EFR3A: variants seen among roughly 807,000 people sequenced by gnomAD.
EFR3A encodes EFR3 homolog A, also known as protein EFR3 homolog A.
EFR3A carries 76 observed loss-of-function variants against 104.4 expected under a neutral mutation model. The observed-to-expected ratio is 0.73, with a 90% CI of 0.60 to 0.88. EFR3A has a LOEUF of 0.88. Among genes scored for constraint, EFR3A ranks in the 40% least tolerant of loss-of-function variants. The pLI is 0.00. For missense variants in EFR3A, 985 were observed against 1,012.5 expected (o/e 0.97, Z 0.37); for synonymous variants, 330 against 330.0 (o/e 1.00, Z 0.00).
chr8:131,929,910 T>C (rs770814701), intron 1 of EFR3A, among the ~76,000 whole-genome samples: 1 of 152,132 alleles, frequency 6.6e-6, no homozygotes, highest in Non-Finnish European at 1.5e-5. Flanking sequence ...TTGATCTTTG[T>C]CCATTATCAG....
chr8:131,973,109 G>A (rs1318614329), intron 10 of EFR3A, among the ~76,000 whole-genome samples: 1 of 149,738 alleles, frequency 6.7e-6, no homozygotes, highest in Non-Finnish European at 1.5e-5. Flanking sequence ...ATACCCAGGA[G>A]TGTCTCATTC....
chr8:131,904,171 G>C lies in EFR3A; in HGVS notation c.-142G>C, dbSNP rs534275879. ...TTGGTTGCGTGACCGCGGGGTCCGCGTCCGCTCCCTCCACCCTTCGCCCTT... is the reference window on the plus strand; with the variant it reads ...TTGGTTGCGTGACCGCGGGGTCCGCCTCCGCTCCCTCCACCCTTCGCCCTT... On this transcript the variant is annotated 5_prime_UTR_variant, in exon 1 of 23. Coordinates refer to ENST00000254624, the MANE Select transcript of EFR3A (RefSeq NM_015137.6). 2.0e-6 allele frequency: 2 copies of C among 997,054 alleles called. No homozygotes were observed. Among genetic ancestry groups the C allele is most frequent in the African/African-American group, 3.4e-5 (2 of 59,560 alleles). 61.8% of individuals were successfully genotyped at this position (997,054 alleles called of 1,614,324 possible).
chr8:131,933,489 G>T (rs919786262), intron 1 of EFR3A, among the ~76,000 whole-genome samples: 1 of 151,972 alleles, frequency 6.6e-6, no homozygotes, highest in Non-Finnish European at 1.5e-5. Context: ...TTTAATATTT[G>T]TGTTAATTTT....
At chr8:131,968,178 A>G in intron 8 of EFR3A, 117 bp from the exon 9 acceptor site, 1 of 913,226 alleles carries the variant, frequency 1.1e-6, no homozygotes, top group Non-Finnish European at 1.6e-6. Context: ...TTGTCTCATA[A>G]CATGACCACC....
chr8:131,961,954 A>G (rs1819369286), intron 8 of EFR3A, among the ~76,000 whole-genome samples: 1 of 152,194 alleles, frequency 6.6e-6, no homozygotes, highest in African/African-American at 2.4e-5. Flanking sequence ...ATATCCAGCC[A>G]AACTAAGCTT....
chr8:131,987,710 G>T lies in EFR3A; in HGVS notation c.2065+8G>T. 1 of 1,577,908 alleles carries T rather than the reference G, an allele frequency of 6.3e-7. No homozygotes were observed. The highest frequency in any genetic ancestry group is 1.2e-5 in the South Asian group (1 of 84,870). On this transcript the variant is annotated splice_region_variant and intron_variant, in intron 18 of 22. Coordinates refer to ENST00000254624, the MANE Select transcript of EFR3A (RefSeq NM_015137.6). ...ATGTACCACAAGTAACAGGTAAGAGGAGGATAATTAGAACTTTCACTCTGG... is the reference window on the plus strand; with the variant it reads ...ATGTACCACAAGTAACAGGTAAGAGTAGGATAATTAGAACTTTCACTCTGG...
chr8:131,968,315 G>T lies in EFR3A; in HGVS notation c.876G>T (p.Val292=). 6.2e-7 allele frequency: 1 copy of T among 1,613,192 alleles called. No individual in the cohort carries two copies. Among genetic ancestry groups the T allele is most frequent in the East Asian group, 2.2e-5 (1 of 44,840 alleles). ...YSIQAQYSHH[V]IQEILGHLDA... ...TTCAGGCTCAGTATTCTCACCATGT[G>T]ATCCAGGAGATTCTAGGACACCTTG... is the stretch of plus-strand genomic sequence containing the variant. The change falls in exon 9 of 23, where the codon GTG becomes GTT. Residue 292 remains valine (V), a synonymous_variant. Coordinates refer to ENST00000254624, the MANE Select transcript of EFR3A (RefSeq NM_015137.6).
chr8:131,964,820 A>G (rs2130673421), intron 8 of EFR3A, among the ~76,000 whole-genome samples: 1 of 152,350 alleles, frequency 6.6e-6, no homozygotes, highest in South Asian at 2.1e-4. Flanking sequence ...AAATTGTACT[A>G]CAAGGCTACG....
intron 1 of EFR3A, among the ~76,000 whole-genome samples, chr8:131,937,415 A>G (rs1332179853): frequency 6.6e-6 from 1 of 152,150 alleles, no homozygotes; most frequent in African/African-American, 2.4e-5. Context: ...GTACACTACT[A>G]TAATATTCAG....
In EFR3A at chr8:131,976,072, T is replaced by C; in HGVS notation, c.1205T>C (p.Met402Thr). Residue 402 changes from methionine to threonine, a missense_variant, in exon 11 of 23, where the codon ATG becomes ACG. Transcript: ENST00000254624. ...CCAGATTATCAGAGGTCAGAAATCA[T>C]GATGTTCATTATGGGGAAAGTACCT... ...NLPDYQRSEI[M>T]MFIMGKVPVF... 6.2e-7 allele frequency: 1 copy of C among 1,607,788 alleles called. No individual in the cohort carries two copies. Among genetic ancestry groups the C allele is most frequent in the Non-Finnish European group, 8.5e-7 (1 of 1,176,712 alleles).
intron 1 of EFR3A, among the ~76,000 whole-genome samples, chr8:131,921,871 A>G (rs1301530039): frequency 6.6e-6 from 1 of 152,184 alleles, no homozygotes; most frequent in Non-Finnish European, 1.5e-5. Flanking sequence ...TATCTACTAA[A>G]TATAGAATTT....
chr8:131,951,497 CA>C (rs1818701670), intron 5 of EFR3A, among the ~76,000 whole-genome samples: 1 of 151,824 alleles, frequency 6.6e-6, no homozygotes. Flanking sequence ...TTTAATGGGG[CA>C]AAAAGATACA....
rs760999169 is a variant in EFR3A at position 131,944,764 on chromosome 8, A to G, written c.107A>G (p.Asp36Gly). The change falls in exon 3 of 23, where the codon GAT (aspartate) becomes GGT (glycine). Residue 36 changes from aspartate to glycine, a missense_variant. Physicochemically the swap from Asp to Gly is moderately conservative, Grantham distance 94 (BLOSUM62 -1). Transcript: ENST00000254624. ...TTTTAGGATGGCCTTGTGAAAACTG[A>G]TATGGAGAAATTGACATTTTATGCA... ...EDPKDGLVKT[D>G]MEKLTFYAVS... 3 of 1,599,184 alleles carry G rather than the reference A, an allele frequency of 1.9e-6. No individual in the cohort carries two copies. Among genetic ancestry groups the G allele is most frequent in the Non-Finnish European group, 1.7e-6 (2 of 1,173,170 alleles).
At position 131,927,261 on chromosome 8, in the gene EFR3A, A is replaced by G. The variant is rs76282815; in HGVS notation, c.11-13238A>G. Among the ~76,000 whole-genome samples the G allele has an allele frequency of 8.8e-3, 1,339 of 152,310 alleles. 15 individuals carry two copies. The highest frequency in any genetic ancestry group is 0.031 in the African/African-American group (1,281 of 41,570). ...GGTAAGTTAGCTGAAGACAGGGACA[A>G]CATGAGCAGAAGCCTGGCCTATTCT... On this transcript the variant is annotated intron_variant, in intron 1 of 22. Coordinates refer to ENST00000254624, the MANE Select transcript of EFR3A (RefSeq NM_015137.6).
At chr8:131,940,737 C>A in intron 2 of EFR3A, 162 bp downstream of exon 2, 2 of 1,194,710 alleles carry the variant, frequency 1.7e-6, no homozygotes, top group Non-Finnish European at 2.2e-6. Flanking sequence ...CTTAAATGAC[C>A]CATGCTTGCT....
rs1185442281 is a variant in EFR3A at position 131,957,350 on chromosome 8, C to CTTTTTTTTTT, written c.776+1454_776+1463dup. ...TAATTTGAAGATTTAGGGCCAGGGT[C>CTTTTTTTTTT]TTTTTTTTTTTTTTTTTTGAGACAG... On this transcript the variant is annotated intron_variant, in intron 7 of 22. Coordinates refer to ENST00000254624, the MANE Select transcript of EFR3A (RefSeq NM_015137.6). Among the ~76,000 whole-genome samples, 250 of 125,914 alleles carry CTTTTTTTTTT rather than the reference C, an allele frequency of 2.0e-3. 7 individuals carry two copies. Among genetic ancestry groups the CTTTTTTTTTT allele is most frequent in the African/African-American group, 6.3e-3 (210 of 33,446 alleles). The allele number at this position is 125,914 out of a possible 152,430, so 82.6% of individuals were successfully genotyped here.
intron 1 of EFR3A, among the ~76,000 whole-genome samples, chr8:131,927,038 C>T (rs757134801): frequency 1.5e-4 from 23 of 152,232 alleles, no homozygotes; most frequent in Admixed American, 6.5e-4. Flanking sequence ...CTCAATGTAA[C>T]ATTTCACCCT....
rs756776903 is a variant in EFR3A, at chr8:131,986,300, C to T, written c.1937+39C>T. 1.4e-5 allele frequency: 14 copies of T among 1,013,268 alleles called. No individual in the cohort carries two copies. The South Asian group carries it at 2.2e-4, about 16-fold the overall frequency. The allele number at this position is 1,013,268 out of a possible 1,614,324, so 62.8% of individuals were successfully genotyped here. ...TTACATTTTAAGGATGGGGTACTGA[C>T]TTGATAAACCCATCAGTAATAATTA... is the stretch of plus-strand genomic sequence containing the variant. On this transcript the variant is annotated intron_variant, in intron 17 of 22. Transcript: ENST00000254624.
intron 1 of EFR3A, among the ~76,000 whole-genome samples, chr8:131,923,357 T>C (rs1286496342): frequency 4.6e-5 from 7 of 152,148 alleles, no homozygotes; most frequent in Admixed American, 4.6e-4. Flanking sequence ...TTAAATTGTT[T>C]AATTGTGGAT....
Sources: gnomAD v4.1 joint callset for allele counts (sites outside exome capture counted in the v4.1 genomes callset) on GRCh38, gnomAD v4.1.1 for gene constraint, MANE v1.5 for transcripts, NCBI Gene and HGNC (gene_info 2026-07-23, HGNC 2026-07-21) for gene names.